SIRPB1: variants seen among roughly 807,000 people sequenced by gnomAD.
The protein encoded by SIRPB1 is signal-regulatory protein beta-1.
In SIRPB1, 28 loss-of-function variants were observed where a neutral mutation model predicts 34.1. The ratio of observed to expected loss-of-function variants is 0.82; its 90% CI spans 0.61 to 1.12. The LOEUF is 1.12. Among genes scored for constraint, SIRPB1 ranks in the 50% most tolerant of loss-of-function variants. The pLI is 0.00. For missense variants in SIRPB1, 499 were observed against 507.0 expected, an observed-to-expected ratio of 0.98 and a Z score of 0.15; for synonymous variants, 211 against 203.8, an observed-to-expected ratio of 1.04 and a Z score of -0.30.
chr20:1,571,122 T>C lies in SIRPB1; in HGVS notation c.767A>G (p.Glu256Gly). The C allele has an allele frequency of 6.2e-7, 1 of 1,613,660 alleles. No individual in the cohort carries two copies. The highest frequency in any genetic ancestry group is 8.5e-7 in the Non-Finnish European group (1 of 1,179,710). Reference sequence around the variant, plus strand: ...TGCCCTCATGGGCTGTTGAGTAACCTCCAAGGTGGGTGGAACTGAAACAGC... The same window carrying C: ...TGCCCTCATGGGCTGTTGAGTAACCCCCAAGGTGGGTGGAACTGAAACAGC... ...SEAIRVPPTL[E>G]VTQQPMRAEN... Residue 256 changes from glutamate to glycine, a missense_variant, in exon 4 of 6, where the codon GAG becomes GGG. Transcript: ENST00000381605.
At chr20:1,619,703 G>C (rs1393886081) in intron 1 of SIRPB1, among the ~76,000 whole-genome samples, 166 bp downstream of exon 1, 1 of 152,218 alleles carries the variant, frequency 6.6e-6, no homozygotes, top group Non-Finnish European at 1.5e-5. Context: ...GCCAGCTGCA[G>C]ATCCACAGAG....
chr20:1,601,317 C>G lies in SIRPB1; in HGVS notation c.76+18552G>C, dbSNP rs1458765555. On this transcript the variant is annotated intron_variant, in intron 1 of 5. Transcript: ENST00000381605. ...GTGGGAGGGAATGTTTGGGTCAAAG[C>G]ACTTACAGATCATCAGCCATCTTCT... 4.1e-5 allele frequency among the ~76,000 whole-genome samples: 2 copies of G among 48,674 alleles called. 1 individual carries two copies. The highest frequency in any genetic ancestry group is 2.7e-4 in the African/African-American group (2 of 7,318). 31.9% of individuals were successfully genotyped at this position (48,674 alleles called of 152,430 possible).
In SIRPB1 at chr20:1,567,466, C is replaced by A. The variant is rs75945529; in HGVS notation, c.1085-1199G>T. Among the ~76,000 whole-genome samples, 1,243 of 152,322 alleles carry A rather than the reference C, an allele frequency of 8.2e-3. 19 individuals carry two copies. Among genetic ancestry groups the A allele is most frequent in the African/African-American group, 0.029 (1,208 of 41,574 alleles). Reference sequence around the variant, plus strand: ...CCTCCTCATTCCTGAGGCATGTTGACCCTGACAGCACTCTAGGATGCCTCC... The same window carrying A: ...CCTCCTCATTCCTGAGGCATGTTGAACCTGACAGCACTCTAGGATGCCTCC... On this transcript the variant is annotated intron_variant, in intron 4 of 5. Transcript: ENST00000381605.
chr20:1,578,350 G>T lies in SIRPB1; in HGVS notation c.421C>A (p.Leu141Met), dbSNP rs1204527882. The T allele has an allele frequency of 6.3e-7, 1 of 1,585,788 alleles. No individual in the cohort carries two copies. Among genetic ancestry groups the T allele is most frequent in the Non-Finnish European group, 8.6e-7 (1 of 1,159,108 alleles). The change falls in exon 2 of 6, where the codon CTG (leucine) becomes ATG (methionine). Residue 141 changes from leucine to methionine, a missense_variant. By Grantham distance (15) the Leu-to-Met change is conservative (BLOSUM62 2). Transcript: ENST00000381605. Reference sequence around the variant, plus strand: ...ACGCTGTACTCACCGCGCACAGACAGCTCAGTGCCTGCTCCAGACTTAAAC... The same window carrying T: ...ACGCTGTACTCACCGCGCACAGACATCTCAGTGCCTGCTCCAGACTTAAAC... ...VEFKSGAGTELSVRAKPSAPV... is the reference protein window; with the variant it reads ...VEFKSGAGTEMSVRAKPSAPV...
intron 1 of SIRPB1, among the ~76,000 whole-genome samples, chr20:1,580,441 C>T (rs1401991759): frequency 3.8e-5 from 5 of 132,164 alleles, no homozygotes; most frequent in South Asian, 2.4e-4. Context: ...GGACCAAGAA[C>T]TAAAGGAATA....
chr20:1,615,355 T>C (rs538279259), intron 1 of SIRPB1, among the ~76,000 whole-genome samples: 15 of 152,346 alleles, frequency 9.8e-5, no homozygotes, highest in African/African-American at 3.6e-4. Flanking sequence ...GGTTATCTAT[T>C]GGGCTCTCCT....
chr20:1,616,423 T>G (rs1362250678), intron 1 of SIRPB1, among the ~76,000 whole-genome samples: 1 of 152,226 alleles, frequency 6.6e-6, no homozygotes, highest in Non-Finnish European at 1.5e-5. Context: ...TACACTCAAT[T>G]GACCTTTGAC....
At chr20:1,578,299 C>T in intron 2 of SIRPB1, 39 bp downstream of exon 2, 1 of 1,550,054 alleles carries the variant, frequency 6.5e-7, no homozygotes, top group Non-Finnish European at 8.9e-7. Flanking sequence ...GAGTTATTGT[C>T]ACACACCAGG....
At chr20:1,618,218 A>T (rs1194378546) in intron 1 of SIRPB1, among the ~76,000 whole-genome samples, 1 of 152,250 alleles carries the variant, frequency 6.6e-6, no homozygotes, top group Non-Finnish European at 1.5e-5. Flanking sequence ...AAGTACATAC[A>T]TCACAGTTGT....
At chr20:1,611,825 G>A in intron 1 of SIRPB1, 1 of 421,850 alleles carries the variant, frequency 2.4e-6, no homozygotes, top group Non-Finnish European at 3.7e-6. Flanking sequence ...AAAAGGCCTT[G>A]AGCTCAGCAC....
intron 4 of SIRPB1, among the ~76,000 whole-genome samples, chr20:1,569,793 G>A (rs1430338102): frequency 6.6e-6 from 1 of 152,252 alleles, no homozygotes; most frequent in East Asian, 1.9e-4. Flanking sequence ...GTTGGGCCCT[G>A]ATGGGGAAGT....
rs1263902753 is a variant in SIRPB1, at chr20:1,582,028, T to C, written c.77-3334A>G. 4.1e-5 allele frequency among the ~76,000 whole-genome samples: 2 copies of C among 48,924 alleles called. 1 individual carries two copies. The highest frequency in any genetic ancestry group is 7.9e-5 in the Non-Finnish European group (2 of 25,296). The allele number at this position is 48,924 out of a possible 152,430, so 32.1% of individuals were successfully genotyped here. ...TGTCACATAATCCAGCACCTGTAAG[T>C]TTTTTTTGGGATGCCTGTGGCAACA... On this transcript the variant is annotated intron_variant, in intron 1 of 5. Transcript: ENST00000381605.
rs1438605946 is a variant in SIRPB1, at chr20:1,563,874, C to T, written c.*1626G>A. The stretch of plus-strand genomic sequence containing the variant: ...GTCCGCCCCCATGATTCAGTCACCT[C>T]CTACCAGGCCCATCCCACAACACAT... On this transcript the variant is annotated 3_prime_UTR_variant, in exon 6 of 6. Coordinates refer to ENST00000381605, the MANE Select transcript of SIRPB1 (RefSeq NM_006065.5). 6.6e-6 allele frequency: 1 copy of T among 152,522 alleles called. No individual in the cohort carries two copies. Among genetic ancestry groups the T allele is most frequent in the Non-Finnish European group, 1.5e-5 (1 of 68,036 alleles). 9.4% of individuals were successfully genotyped at this position (152,522 alleles called of 1,614,324 possible).
chr20:1,586,251 G>A lies in SIRPB1; in HGVS notation c.77-7557C>T, dbSNP rs1191364937. Among the ~76,000 whole-genome samples, 2 of 48,754 alleles carry A rather than the reference G, an allele frequency of 4.1e-5. 1 individual carries two copies. Among genetic ancestry groups the A allele is most frequent in the Non-Finnish European group, 7.9e-5 (2 of 25,284 alleles). The allele number at this position is 48,754 out of a possible 152,430, so 32.0% of individuals were successfully genotyped here. On this transcript the variant is annotated intron_variant, in intron 1 of 5. Coordinates refer to ENST00000381605, the MANE Select transcript of SIRPB1 (RefSeq NM_006065.5). ...AAGTGCATAGATTTTAGGAGTTCTC[G>A]CCATACAAAATTGTCAATATGTAAG... is the stretch of plus-strand genomic sequence containing the variant.
intron 1 of SIRPB1, among the ~76,000 whole-genome samples, chr20:1,589,902 C>G (rs534632590): frequency 2.0e-5 from 1 of 49,380 alleles, no homozygotes; most frequent in East Asian, 5.7e-4. Context: ...GTGTGACTTT[C>G]AAGAAGACAC....
rs1381027282 is a variant in SIRPB1, at chr20:1,601,759, C to A, written c.76+18110G>T. 1.0e-4 allele frequency among the ~76,000 whole-genome samples: 5 copies of A among 48,804 alleles called. 2 individuals are homozygous for A. Among genetic ancestry groups the A allele is most frequent in the Non-Finnish European group, 2.0e-4 (5 of 25,468 alleles). The allele number at this position is 48,804 out of a possible 152,430, so 32.0% of individuals were successfully genotyped here. On this transcript the variant is annotated intron_variant, in intron 1 of 5. Coordinates refer to ENST00000381605, the MANE Select transcript of SIRPB1 (RefSeq NM_006065.5). ...CAGCTTCAGATAGATGGTGCAGATT[C>A]ATCTCTTCCGGCTCCTCCTTGAGAA...
chr20:1,619,512 C>T (rs1170131453), intron 1 of SIRPB1, among the ~76,000 whole-genome samples: 1 of 152,212 alleles, frequency 6.6e-6, no homozygotes, highest in Admixed American at 6.5e-5. Flanking sequence ...GCCACATAAC[C>T]CTGTTAGGGT....
At position 1,571,790 on chromosome 20, in the gene SIRPB1, G is replaced by A. The variant is rs1383996930; in HGVS notation, c.681C>T (p.Cys227=). 1.9e-5 allele frequency: 30 copies of A among 1,614,110 alleles called. No homozygotes were observed. Among genetic ancestry groups the A allele is most frequent in the East Asian group, 4.5e-5 (2 of 44,900 alleles). Residue 227 remains cysteine, a synonymous_variant, in exon 3 of 6, where the codon TGC becomes TGT. Transcript: ENST00000381605. The stretch of plus-strand genomic sequence containing the variant: ...CCTGCAAGGTGATGTGGGCTATCTC[G>A]CAGATGACTTGAGAGTGAACGTCCC... ...TRGDVHSQVI[C]EIAHITLQGD...
rs2422626 is a variant in SIRPB1 at position 1,607,658 on chromosome 20, C to T, written c.76+12211G>A. Among the ~76,000 whole-genome samples the T allele has an allele frequency of 2.9e-5, 2 of 68,134 alleles. 1 individual carries two copies. The highest frequency in any genetic ancestry group is 5.4e-5 in the Non-Finnish European group (2 of 37,182). 44.7% of individuals were successfully genotyped at this position (68,134 alleles called of 152,430 possible). A position where few individuals can be genotyped will look rare whatever the true frequency, so the allele number is the denominator to read the frequency against. ...AAACCCCATTTATACTTGGGGCCTA[C>T]AGAAGCCCTGACCTGTCTGAGGTCA... On this transcript the variant is annotated intron_variant, in intron 1 of 5. Transcript: ENST00000381605.
Sources: gnomAD v4.1 joint callset for allele counts (sites outside exome capture counted in the v4.1 genomes callset) on GRCh38, gnomAD v4.1.1 for gene constraint, MANE v1.5 for transcripts, NCBI Gene and HGNC (gene_info 2026-07-23, HGNC 2026-07-21) for gene names.